NRG3: variants seen among roughly 807,000 people sequenced by gnomAD.
The protein encoded by NRG3 is pro-neuregulin-3, membrane-bound isoform.
NRG3 carries 31 observed loss-of-function variants against 66.9 expected under a neutral mutation model. That is an observed-to-expected ratio of 0.46 (90% CI 0.35 to 0.63). NRG3 has a LOEUF of 0.63. NRG3 is among the 20% of genes least tolerant of loss of function. NRG3 has a pLI of 0.00. For synonymous variants in NRG3, 393 were observed against 359.4 expected (o/e 1.09, Z -1.06); for missense variants, 910 against 878.9 (o/e 1.04, Z -0.45).
chr10:82,555,607 A>G (rs1223577457), intron 2 of NRG3, among the ~76,000 whole-genome samples: 3 of 152,086 alleles, frequency 2.0e-5, no homozygotes, highest in Non-Finnish European at 4.4e-5. Flanking sequence ...CTCAAAATCC[A>G]TTTCCTCAAT....
chr10:82,561,869 G>A (rs2045068494), intron 2 of NRG3, among the ~76,000 whole-genome samples: 1 of 152,164 alleles, frequency 6.6e-6, no homozygotes, highest in African/African-American at 2.4e-5. Flanking sequence ...GCTCCTGAAA[G>A]ATTTTTAACC....
chr10:82,937,932 C>G (rs976039302), intron 4 of NRG3, among the ~76,000 whole-genome samples: 3 of 152,108 alleles, frequency 2.0e-5, no homozygotes, highest in Admixed American at 6.6e-5. Flanking sequence ...AGCTGTAAGT[C>G]TCATATACGG....
intron 3 of NRG3, among the ~76,000 whole-genome samples, chr10:82,864,027 A>G (rs767126611): frequency 6.6e-5 from 10 of 152,160 alleles, no homozygotes; most frequent in Non-Finnish European, 1.0e-4. Context: ...ATGTAATTAA[A>G]TGTGAACGGT....
chr10:81,877,854 T>G, intron 1 of NRG3: 1 of 1,497,104 alleles, frequency 6.7e-7, no homozygotes, highest in Non-Finnish European at 8.9e-7. Context: ...TGTAGAAGGA[T>G]AAAGGATTCA....
At chr10:81,879,403 GT>G (rs1423644708) in intron 1 of NRG3, among the ~76,000 whole-genome samples, 1 of 152,220 alleles carries the variant, frequency 6.6e-6, no homozygotes, top group East Asian at 1.9e-4. Flanking sequence ...CTTCAATTTC[GT>G]TTTCAGATTT....
chr10:81,915,401 G>A (rs761718734), intron 1 of NRG3, among the ~76,000 whole-genome samples: 18 of 151,402 alleles, frequency 1.2e-4, no homozygotes, highest in Non-Finnish European at 1.9e-4. Flanking sequence ...GTTTTCCTGA[G>A]TGGCCAAAAA....
At chr10:82,377,431 TGC>T (rs373225932) in intron 2 of NRG3, among the ~76,000 whole-genome samples, 16,933 of 150,506 alleles carry the variant, frequency 0.11, 1,012 homozygotes, top group African/African-American at 0.16. Context: ...TGTGTGTGTG[TGC>T]GCGTGTGTGT....
chr10:82,710,558 C>G (rs1184955814), intron 2 of NRG3, among the ~76,000 whole-genome samples: 2 of 130,028 alleles, frequency 1.5e-5, no homozygotes, highest in Non-Finnish European at 3.1e-5. Flanking sequence ...TGCACTCCAG[C>G]CTGGGCGACA....
At chr10:82,187,373 A>C (rs531978268) in intron 1 of NRG3, among the ~76,000 whole-genome samples, 3 of 152,302 alleles carry the variant, frequency 2.0e-5, no homozygotes, top group African/African-American at 7.2e-5. Context: ...ATGTTTACTT[A>C]TCAGTTTATG....
chr10:82,126,861 TGGTTCATAAGAGCCCA>T (rs1344202171), intron 1 of NRG3, among the ~76,000 whole-genome samples: 1 of 152,110 alleles, frequency 6.6e-6, no homozygotes, highest in Non-Finnish European at 1.5e-5. Context: ...CCTATTTTGC[TGGTTCATAAGAGCCCA>T]GGTTGGAGAC....
At chr10:82,209,447 A>G (rs1465624775) in intron 1 of NRG3, among the ~76,000 whole-genome samples, 2 of 152,210 alleles carry the variant, frequency 1.3e-5, no homozygotes, top group Non-Finnish European at 2.9e-5. Flanking sequence ...ACAACTGTCA[A>G]TGATCATCTA....
At chr10:82,473,700 C>T (rs113136409) in intron 2 of NRG3, among the ~76,000 whole-genome samples, 241 of 152,236 alleles carry the variant, frequency 1.6e-3, no homozygotes, top group African/African-American at 5.6e-3. Flanking sequence ...CAGCTCCCTT[C>T]GGTGAACTGA....
At chr10:82,164,038 G>A (rs192270537) in intron 1 of NRG3, among the ~76,000 whole-genome samples, 192 of 150,332 alleles carry the variant, frequency 1.3e-3, no homozygotes, top group Admixed American at 2.0e-3. Context: ...CTCCTGCCTC[G>A]GCCTCCTGAG....
intron 1 of NRG3, among the ~76,000 whole-genome samples, chr10:82,318,148 A>G (rs1313609093): frequency 6.6e-6 from 1 of 152,124 alleles, no homozygotes; most frequent in African/African-American, 2.4e-5. Flanking sequence ...GAAACACCTT[A>G]AATGATCTTG....
Position 82,551,085 on chromosome 10 carries a change from A to G in NRG3, c.954-187492A>G, listed in dbSNP as rs151252012. Among the ~76,000 whole-genome samples the G allele has an allele frequency of 2.5e-3, 374 of 152,260 alleles. 11 individuals are homozygous for G. In the East Asian group the frequency reaches 0.063, roughly 26 times the overall value. On this transcript the variant is annotated intron_variant, in intron 2 of 8. Coordinates refer to ENST00000372141, the MANE Select transcript of NRG3 (RefSeq NM_001010848.4). ...CAATGACATAATATTTGCCTTAGAC[A>G]ACACAAAGTAGAGTATACCATTATG...
intron 1 of NRG3, among the ~76,000 whole-genome samples, chr10:82,183,846 A>C (rs541971686): frequency 6.6e-6 from 1 of 152,012 alleles, no homozygotes; most frequent in Non-Finnish European, 1.5e-5. Flanking sequence ...TGGCTTAAAG[A>C]TGGGAGTTGA....
In NRG3 at chr10:82,978,945, A is replaced by T. The variant is rs75365933; in HGVS notation, c.1413-5A>T. 6.2e-7 allele frequency: 1 copy of T among 1,613,272 alleles called. No individual in the cohort carries two copies. Among genetic ancestry groups the T allele is most frequent in the Non-Finnish European group, 8.5e-7 (1 of 1,179,574 alleles). The stretch of plus-strand genomic sequence containing the variant: ...TGTTTGTCTGTTTTCATTCCACCCC[A>T]GCAGGAGTCTATCCTCTTGCTGCAG... On this transcript the variant is annotated splice_polypyrimidine_tract_variant and splice_region_variant and intron_variant, in intron 7 of 8. Coordinates refer to ENST00000372141, the MANE Select transcript of NRG3 (RefSeq NM_001010848.4).
chr10:82,610,134 A>G (rs1021873563), intron 2 of NRG3, among the ~76,000 whole-genome samples: 1 of 152,132 alleles, frequency 6.6e-6, no homozygotes, highest in African/African-American at 2.4e-5. Context: ...ATTCCATGTT[A>G]TATCAGCCCC....
chr10:82,779,355 C>G (rs1044582396), intron 3 of NRG3, among the ~76,000 whole-genome samples: 1 of 152,146 alleles, frequency 6.6e-6, no homozygotes, highest in Non-Finnish European at 1.5e-5. Flanking sequence ...GTGGCAGAGT[C>G]AAGGCTTTCT....
Sources: gnomAD v4.1 joint callset for allele counts (sites outside exome capture counted in the v4.1 genomes callset) on GRCh38, gnomAD v4.1.1 for gene constraint, MANE v1.5 for transcripts, NCBI Gene and HGNC (gene_info 2026-07-23, HGNC 2026-07-21) for gene names.